ALMS1: variants seen among roughly 807,000 people sequenced by gnomAD.
The protein encoded by ALMS1 is centrosome-associated protein ALMS1.
A neutral mutation model predicts 352.2 loss-of-function variants in ALMS1; 271 were observed. The observed-to-expected ratio is 0.77, with a 90% confidence interval of 0.70 to 0.85. The LOEUF (loss-of-function observed/expected upper bound fraction) is 0.85. Ranked by LOEUF, ALMS1 falls within the 40% of genes least tolerant of loss-of-function variation. The pLI, the probability that ALMS1 is intolerant of heterozygous loss-of-function variation, is 0.00. For synonymous variants in ALMS1, 1,865 were observed against 1,761.2 expected (o/e 1.06, Z -1.48); for missense variants, 5,445 against 4,870.7 (o/e 1.12, Z -3.51).
chr2:73,576,940 C>T (rs983356408), intron 16 of ALMS1, among the ~76,000 whole-genome samples: 8 of 151,944 alleles, frequency 5.3e-5, no homozygotes, highest in Non-Finnish European at 1.2e-4. Context: ...TTCTTTTATT[C>T]TGTTAATATG....
chr2:73,392,259 GAT>G (rs1491272663), intron 1 of ALMS1, among the ~76,000 whole-genome samples: 26 of 78,754 alleles, frequency 3.3e-4, no homozygotes, highest in African/African-American at 1.3e-3. Flanking sequence ...GGTTTACTTT[GAT>G]GTGTGTGTGT....
intron 7 of ALMS1, among the ~76,000 whole-genome samples, chr2:73,436,290 T>A (rs1033049760): frequency 6.6e-6 from 1 of 152,248 alleles, no homozygotes; most frequent in Non-Finnish European, 1.5e-5. Context: ...TTGTTTTCTC[T>A]TGTTGCTTCC....
chr2:73,544,480 C>T (rs146237354), intron 12 of ALMS1, among the ~76,000 whole-genome samples: 1 of 151,866 alleles, frequency 6.6e-6, no homozygotes, highest in East Asian at 1.9e-4. Flanking sequence ...CAAACCTGCA[C>T]GTTGTCACAT....
chr2:73,465,700 A>C (rs538917587), intron 9 of ALMS1, among the ~76,000 whole-genome samples: 2,157 of 147,416 alleles, frequency 0.015, 50 homozygotes, highest in Admixed American at 0.043. Context: ...AGTGAAGAGG[A>C]AACCTACAAA....
chr2:73,386,005 T>A lies in ALMS1; in HGVS notation c.137T>A (p.Val46Glu). ...NVDDVVVVEE[V>E]EEEAGRELDS... is the part of the protein sequence containing the mutation. ...GACGACGTAGTGGTCGTGGAGGAGG[T>A]GGAGGAAGAGGCGGGGCGGGAGTTG... Residue 46 changes from valine (V) to glutamate (E), a missense_variant, in exon 1 of 23, where the codon GTG (valine) becomes GAG (glutamate). Coordinates refer to ENST00000613296, the MANE Select transcript of ALMS1 (RefSeq NM_001378454.1). 3 of 1,546,344 alleles carry A rather than the reference T, an allele frequency of 1.9e-6. No individual in the cohort carries two copies. Among genetic ancestry groups the A allele is most frequent in the East Asian group, 2.5e-5 (1 of 40,096 alleles).
chr2:73,523,192 A>G (rs1302553876), intron 11 of ALMS1, among the ~76,000 whole-genome samples: 1 of 152,232 alleles, frequency 6.6e-6, no homozygotes, highest in East Asian at 1.9e-4. Flanking sequence ...TTGTAGACTC[A>G]GAAAGTGGTG....
At chr2:73,464,933 A>G (rs1363863310) in intron 9 of ALMS1, among the ~76,000 whole-genome samples, 3 of 152,236 alleles carry the variant, frequency 2.0e-5, no homozygotes, top group Non-Finnish European at 2.9e-5. Flanking sequence ...CCACTGCTCA[A>G]TGAAATAAAA....
chr2:73,506,966 T>C (rs1673340729), intron 10 of ALMS1, among the ~76,000 whole-genome samples: 1 of 152,210 alleles, frequency 6.6e-6, no homozygotes, highest in East Asian at 1.9e-4. Context: ...ATACCTAGTT[T>C]ATTGAGTGTT....
At chr2:73,541,246 A>C (rs2104008174) in intron 12 of ALMS1, among the ~76,000 whole-genome samples, 1 of 152,358 alleles carries the variant, frequency 6.6e-6, no homozygotes, top group Non-Finnish European at 1.5e-5. Context: ...CTACATGGAA[A>C]CTGAACAACC....
chr2:73,520,907 A>G (rs2103964365), intron 11 of ALMS1, among the ~76,000 whole-genome samples: 1 of 152,310 alleles, frequency 6.6e-6, no homozygotes, highest in African/African-American at 2.4e-5. Flanking sequence ...ATGAAGATGG[A>G]GACTTTACTA....
intron 16 of ALMS1, among the ~76,000 whole-genome samples, chr2:73,591,979 G>C (rs1675444346): frequency 6.6e-6 from 1 of 152,048 alleles, no homozygotes; most frequent in Non-Finnish European, 1.5e-5. Flanking sequence ...ACCATTATCT[G>C]GGAAATTTTA....
intron 16 of ALMS1, among the ~76,000 whole-genome samples, chr2:73,593,851 G>A (rs1235090562): frequency 2.6e-5 from 4 of 152,160 alleles, no homozygotes; most frequent in South Asian, 4.1e-4. Context: ...ACAGTCTTTC[G>A]TGACTGACTT....
At chr2:73,512,557 T>C (rs1673474979) in intron 10 of ALMS1, among the ~76,000 whole-genome samples, 1 of 152,204 alleles carries the variant, frequency 6.6e-6, no homozygotes, top group African/African-American at 2.4e-5. Context: ...AATTGCATTT[T>C]TTTTACTGTT....
At chr2:73,407,571 G>T (rs1421418407) in intron 1 of ALMS1, among the ~76,000 whole-genome samples, 1 of 152,132 alleles carries the variant, frequency 6.6e-6, no homozygotes, top group Non-Finnish European at 1.5e-5. Flanking sequence ...ATTTTCCTAT[G>T]GCTTAAAGTT....
At position 73,596,739 on chromosome 2, in the gene ALMS1, G is replaced by A. The variant is rs377321792; in HGVS notation, c.11548-2662G>A. On this transcript the variant is annotated intron_variant, in intron 16 of 22. Coordinates refer to ENST00000613296, the MANE Select transcript of ALMS1 (RefSeq NM_001378454.1). Reference sequence around the variant, plus strand: ...CCTGCCTTGGCCTCCCAAAGTGCTGGGATTACATGCATGAGTCACTGTGCC... The same window carrying A: ...CCTGCCTTGGCCTCCCAAAGTGCTGAGATTACATGCATGAGTCACTGTGCC... Among the ~76,000 whole-genome samples the A allele has an allele frequency of 1.6e-4, 24 of 151,958 alleles. 1 individual carries two copies. The South Asian group carries it at 3.1e-3, about 20-fold the overall frequency.
intron 11 of ALMS1, among the ~76,000 whole-genome samples, chr2:73,526,194 T>C (rs540658618): frequency 6.6e-6 from 1 of 152,304 alleles, no homozygotes; most frequent in African/African-American, 2.4e-5. Flanking sequence ...TGTAGTATAA[T>C]TTGAAGTTAG....
intron 12 of ALMS1, among the ~76,000 whole-genome samples, chr2:73,537,258 G>A (rs557851407): frequency 1.8e-4 from 27 of 152,300 alleles, no homozygotes; most frequent in Non-Finnish European, 2.8e-4. Flanking sequence ...AGTAACACCC[G>A]AGGATAAGAT....
At chr2:73,395,072 ATATATATTT>A (rs1670731930) in intron 1 of ALMS1, among the ~76,000 whole-genome samples, 2 of 107,614 alleles carry the variant, frequency 1.9e-5, no homozygotes, top group Non-Finnish European at 1.8e-5. Context: ...ATATATATAT[ATATATATTT>A]TTTTTTTTTT....
At chr2:73,519,722 G>A in intron 10 of ALMS1, 53 bp from the exon 11 acceptor site, 1 of 1,610,508 alleles carries the variant, frequency 6.2e-7, no homozygotes, top group African/African-American at 1.3e-5. Context: ...AGAGATTTCA[G>A]TCTCTAATGG....
Sources: gnomAD v4.1 joint callset for allele counts (sites outside exome capture counted in the v4.1 genomes callset) on GRCh38, gnomAD v4.1.1 for gene constraint, MANE v1.5 for transcripts, NCBI Gene and HGNC (gene_info 2026-07-23, HGNC 2026-07-21) for gene names.